The following VPS35L variants were observed in gnomAD, a reference collection of about 807,000 sequenced individuals.
VPS35L encodes the protein VPS35 endosomal protein-sorting factor-like.
A neutral mutation model predicts 133.0 loss-of-function variants in VPS35L; 83 were observed. That is an observed-to-expected ratio of 0.62 (90% confidence interval 0.52 to 0.75). VPS35L has a LOEUF of 0.75. VPS35L is among the 30% of genes least tolerant of loss of function. The pLI is 0.00. For missense variants in VPS35L, 1,083 were observed against 1,206.8 expected (o/e 0.90, Z 1.52); for synonymous variants, 423 against 449.9 (o/e 0.94, Z 0.76).
At chr16:19,589,798 T>G (rs1157207427) in intron 7 of VPS35L, among the ~76,000 whole-genome samples, 1 of 152,230 alleles carries the variant, frequency 6.6e-6, no homozygotes, top group Non-Finnish European at 1.5e-5. Context: ...AAGCCCCAGC[T>G]GTGTTTAATT....
chr16:19,589,874 A>T (rs1279584140), intron 7 of VPS35L, among the ~76,000 whole-genome samples: 1 of 152,106 alleles, frequency 6.6e-6, no homozygotes, highest in East Asian at 1.9e-4. Flanking sequence ...TCTCTGAGAG[A>T]CTGTCCAAGC....
chr16:19,570,834 CATATATATATATATATATATAT>C (rs58794831), intron 3 of VPS35L, among the ~76,000 whole-genome samples: 6,881 of 78,698 alleles, frequency 0.087, 481 homozygotes, highest in Middle Eastern at 0.12. Context: ...TGCTGTGTTT[CATATATATATATATATATATAT>C]ATATATATAT....
At chr16:19,601,946 A>G (rs1041317632) in intron 9 of VPS35L, among the ~76,000 whole-genome samples, 3 of 152,188 alleles carry the variant, frequency 2.0e-5, no homozygotes, top group African/African-American at 7.2e-5. Context: ...TTGAATCTGC[A>G]AAGGCCTCAC....
intron 12 of VPS35L, among the ~76,000 whole-genome samples, chr16:19,612,482 C>T (rs1396211707): frequency 1.3e-5 from 2 of 151,908 alleles, no homozygotes; most frequent in Admixed American, 1.3e-4. Context: ...TTGAACTCCT[C>T]ACTTCAGGTA....
chr16:19,573,300 G>T lies in VPS35L; in HGVS notation c.408+59G>T. 5.8e-6 allele frequency: 9 copies of T among 1,547,508 alleles called. No homozygotes were observed. The South Asian group carries it at 9.5e-5, about 16-fold the overall frequency. ...TTGGAGTTAGTAGTAATTTCTTTTTGTTATGTTGCTTCAACTCCTGGGCTC... is the reference window on the plus strand; with the variant it reads ...TTGGAGTTAGTAGTAATTTCTTTTTTTTATGTTGCTTCAACTCCTGGGCTC... On this transcript the variant is annotated intron_variant, in intron 4 of 30. Coordinates refer to ENST00000417362, the MANE Select transcript of VPS35L (RefSeq NM_020314.7).
chr16:19,680,787 G>A (rs916181745), intron 27 of VPS35L, among the ~76,000 whole-genome samples: 2 of 152,084 alleles, frequency 1.3e-5, no homozygotes, highest in Admixed American at 6.6e-5. Flanking sequence ...GTATGTACCT[G>A]TAGTCCCAGC....
chr16:19,566,485 A>G (rs12919749), intron 2 of VPS35L, among the ~76,000 whole-genome samples: 31,268 of 152,092 alleles, frequency 0.21, 3,495 homozygotes, highest in African/African-American at 0.27. Context: ...AACAGAGAGA[A>G]ACTCCATCTC....
chr16:19,556,492 G>C (rs1240240198), intron 1 of VPS35L, among the ~76,000 whole-genome samples: 1 of 152,190 alleles, frequency 6.6e-6, no homozygotes, highest in African/African-American at 2.4e-5. Flanking sequence ...TGAAGCTTCA[G>C]GGTTCAGCAG....
intron 28 of VPS35L, among the ~76,000 whole-genome samples, chr16:19,686,619 G>A (rs926280946): frequency 1.3e-5 from 2 of 152,150 alleles, no homozygotes; most frequent in African/African-American, 4.8e-5. Context: ...GCTATTTTTA[G>A]TGGCCATTTG....
At chr16:19,627,636 A>C (rs1279199903) in intron 15 of VPS35L, 58 bp from the exon 16 acceptor site, 3 of 1,372,466 alleles carry the variant, frequency 2.2e-6, no homozygotes, top group Non-Finnish European at 2.1e-6. Context: ...ATATTCAAAA[A>C]TTAAAGCAAC....
intron 21 of VPS35L, among the ~76,000 whole-genome samples, chr16:19,641,231 AT>A (rs1444205195): frequency 6.6e-6 from 1 of 151,176 alleles, no homozygotes; most frequent in Non-Finnish European, 1.5e-5. Flanking sequence ...CGTCCGGCTA[AT>A]TTTTTTGTAT....
chr16:19,685,489 G>A (rs1975426011), intron 28 of VPS35L, among the ~76,000 whole-genome samples: 1 of 152,194 alleles, frequency 6.6e-6, no homozygotes, highest in African/African-American at 2.4e-5. Flanking sequence ...GAGTAATGCA[G>A]CTGTGAACAT....
intron 18 of VPS35L, among the ~76,000 whole-genome samples, 192 bp downstream of exon 18, chr16:19,630,012 T>C (rs912240862): frequency 6.6e-6 from 1 of 152,210 alleles, no homozygotes; most frequent in African/African-American, 2.4e-5. Context: ...AACTGTTCCA[T>C]GTTTACATTT....
intron 10 of VPS35L, chr16:19,608,694 C>A: frequency 2.3e-6 from 1 of 436,292 alleles, no homozygotes; most frequent in Admixed American, 3.9e-5. Flanking sequence ...CTTTCTTTCC[C>A]CATAAAGCAT....
intron 8 of VPS35L, among the ~76,000 whole-genome samples, chr16:19,593,859 G>A (rs1972117435): frequency 6.6e-6 from 1 of 151,830 alleles, no homozygotes; most frequent in Non-Finnish European, 1.5e-5. Flanking sequence ...GGAGATTGCA[G>A]TGGGCCAAGA....
chr16:19,574,389 G>A (rs1371443211), intron 4 of VPS35L, among the ~76,000 whole-genome samples: 1 of 152,188 alleles, frequency 6.6e-6, no homozygotes, highest in Non-Finnish European at 1.5e-5. Flanking sequence ...TCTTGAAGGT[G>A]TGATCATGGG....
chr16:19,569,290 C>T (rs1971285615), intron 2 of VPS35L, 134 bp from the exon 3 acceptor site: 1 of 979,824 alleles, frequency 1.0e-6, no homozygotes, highest in Non-Finnish European at 1.6e-6. Context: ...TAAGCATCCC[C>T]TGCAGATGGT....
At chr16:19,667,961 C>A (rs1378531707) in intron 26 of VPS35L, among the ~76,000 whole-genome samples, 1 of 152,004 alleles carries the variant, frequency 6.6e-6, no homozygotes, top group East Asian at 1.9e-4. Context: ...CAGAGCAGAG[C>A]TAACTTGACT....
intron 2 of VPS35L, chr16:19,569,154 A>G: frequency 1.6e-6 from 1 of 627,372 alleles, no homozygotes. Context: ...AGGGAACCCC[A>G]GGTGCTGTAG....
Sources: allele counts gnomAD v4.1 joint callset (sites outside exome capture counted in the v4.1 genomes callset), GRCh38; gene constraint gnomAD v4.1.1; transcripts MANE v1.5; gene names NCBI Gene and HGNC (gene_info 2026-07-23, HGNC 2026-07-21).